Variants in ATP2A2 observed in about 807,000 individuals in gnomAD.
ATP2A2 encodes the protein sarcoplasmic/endoplasmic reticulum calcium ATPase 2.
A neutral mutation model predicts 109.3 loss-of-function variants in ATP2A2; 14 were observed. That is an observed-to-expected ratio of 0.13 (90% CI 0.08 to 0.20). The LOEUF is 0.20. Among genes scored for constraint, ATP2A2 ranks in the 10% least tolerant of loss-of-function variants. ATP2A2 has a pLI of 1.00. For synonymous variants in ATP2A2, 506 were observed against 490.9 expected (o/e 1.03, Z -0.41); for missense variants, 657 against 1,321.6 (o/e 0.50, Z 7.80).
intron 5 of ATP2A2, among the ~76,000 whole-genome samples, chr12:110,307,862 A>G (rs991972399): frequency 3.3e-5 from 5 of 152,124 alleles, no homozygotes; most frequent in African/African-American, 1.2e-4. Context: ...CTAGGTCCCA[A>G]TTGTCAAGTT....
At chr12:110,345,763 C>G (rs1364325352) in intron 18 of ATP2A2, 2 of 603,446 alleles carry the variant, frequency 3.3e-6, no homozygotes. Flanking sequence ...CAATTGGGAA[C>G]AGCTTTGAAC....
chr12:110,342,182 A>C lies in ATP2A2; in HGVS notation c.2098-46A>C, dbSNP rs755791132. ...AGTGGGCTTTTGCCTAGGGGTATGA[A>C]TGTGGCATGCCAGTTGGCTGACCCA... On this transcript the variant is annotated intron_variant, in intron 14 of 19. Transcript: ENST00000539276. The surrounding 1 kb of genome is among the most constrained non-coding windows in gnomAD (Gnocchi z 4.6). 8 of 1,607,096 alleles carry C rather than the reference A, an allele frequency of 5.0e-6. No individual in the cohort carries two copies. Among genetic ancestry groups the C allele is most frequent in the Non-Finnish European group, 6.8e-6 (8 of 1,173,576 alleles).
intron 8 of ATP2A2, chr12:110,329,285 T>C (rs560947361): frequency 3.2e-4 from 49 of 152,382 alleles, no homozygotes; most frequent in African/African-American, 1.1e-3. Flanking sequence ...ACATGTTCAG[T>C]ACAGATGCAG....
chr12:110,328,526 A>G (rs181077193), intron 8 of ATP2A2, among the ~76,000 whole-genome samples: 26 of 152,302 alleles, frequency 1.7e-4, no homozygotes, highest in Non-Finnish European at 1.5e-5. Flanking sequence ...CCAAGATCAC[A>G]CCACTGCTCT....
chr12:110,291,700 A>G (rs896152735), intron 3 of ATP2A2, among the ~76,000 whole-genome samples: 17 of 132,750 alleles, frequency 1.3e-4, no homozygotes, highest in Non-Finnish European at 2.6e-4. Flanking sequence ...GTGCAATGGC[A>G]TGCAGTACAC....
chr12:110,333,171 C>G lies in ATP2A2; in HGVS notation c.1185-10C>G. The G allele has an allele frequency of 1.9e-6, 3 of 1,610,764 alleles. No individual in the cohort carries two copies. The highest frequency in any genetic ancestry group is 2.5e-6 in the Non-Finnish European group (3 of 1,177,162). Reference sequence around the variant, plus strand: ...ATACCCTGCTCTAAGAGTGTTTTCTCTTTGGGCAGGCATAAAGATGATAAA... The same window carrying G: ...ATACCCTGCTCTAAGAGTGTTTTCTGTTTGGGCAGGCATAAAGATGATAAA... On this transcript the variant is annotated splice_polypyrimidine_tract_variant and intron_variant, in intron 9 of 19. Coordinates refer to ENST00000539276, the MANE Select transcript of ATP2A2 (RefSeq NM_170665.4).
chr12:110,300,092 G>GTCCT (rs202000078), intron 5 of ATP2A2, among the ~76,000 whole-genome samples: 2,350 of 143,388 alleles, frequency 0.016, 79 homozygotes, highest in African/African-American at 0.058. Flanking sequence ...CCGTCCGTCT[G>GTCCT]TCCTTCCTTC....
intron 3 of ATP2A2, among the ~76,000 whole-genome samples, chr12:110,283,323 A>G (rs984852910): frequency 4.6e-5 from 7 of 152,152 alleles, no homozygotes; most frequent in East Asian, 1.9e-4. Context: ...AGGGTGGTAT[A>G]TTTATCTAAA....
Position 110,332,271 on chromosome 12 carries a change from C to T in ATP2A2, c.1096-326C>T, listed in dbSNP as rs536891845. On this transcript the variant is annotated intron_variant, in intron 8 of 19. Transcript: ENST00000539276. Reference sequence around the variant, plus strand: ...TCTCTGGAACTGACCTTTTGCTGACCGGGAGTCCTCATAACTTGGATTTTG... The same window carrying T: ...TCTCTGGAACTGACCTTTTGCTGACTGGGAGTCCTCATAACTTGGATTTTG... 8.9e-4 allele frequency: 327 copies of T among 366,284 alleles called. 2 individuals carry two copies. Among genetic ancestry groups the T allele is most frequent in the South Asian group, 3.4e-3 (140 of 40,958 alleles). The allele number at this position is 366,284 out of a possible 1,614,324, so 22.7% of individuals were successfully genotyped here. A position where few individuals can be genotyped will look rare whatever the true frequency, so the allele number is the denominator to read the frequency against.
intron 5 of ATP2A2, among the ~76,000 whole-genome samples, chr12:110,314,879 T>C (rs1011156384): frequency 1.3e-5 from 2 of 151,870 alleles, no homozygotes; most frequent in Non-Finnish European, 2.9e-5. Flanking sequence ...TTTTTTTTTT[T>C]TTTTGGAAAT....
intron 15 of ATP2A2, 88 bp from the exon 16 acceptor site, chr12:110,343,144 C>G (rs1879514127): frequency 7.5e-7 from 1 of 1,338,852 alleles, no homozygotes; most frequent in South Asian, 1.2e-5. Context: ...ATTTATTTTT[C>G]TGGAGGAGGG....
intron 1 of ATP2A2, 47 bp from the exon 2 acceptor site, chr12:110,282,557 T>C: frequency 6.2e-7 from 1 of 1,604,902 alleles, no homozygotes; most frequent in Non-Finnish European, 8.5e-7. Context: ...TTTTTTTTTT[T>C]AACCTCCCTC....
intron 1 of ATP2A2, among the ~76,000 whole-genome samples, chr12:110,282,344 G>A (rs1872211445): frequency 6.6e-6 from 1 of 152,186 alleles, no homozygotes; most frequent in Admixed American, 6.5e-5. Context: ...CCTAGGTTCA[G>A]GAGCCCGAAG....
intron 8 of ATP2A2, among the ~76,000 whole-genome samples, chr12:110,328,325 C>G (rs1878004840): frequency 6.6e-6 from 1 of 150,740 alleles, no homozygotes; most frequent in Non-Finnish European, 1.5e-5. Flanking sequence ...AATCCCAGCA[C>G]TTTGAGAGGC....
chr12:110,288,944 C>T (rs542215847), intron 3 of ATP2A2, among the ~76,000 whole-genome samples: 2 of 152,212 alleles, frequency 1.3e-5, no homozygotes, highest in African/African-American at 2.4e-5. Flanking sequence ...GTTGTCAATC[C>T]TCTTTCTCCT....
chr12:110,281,974 G>C (rs1872143720), intron 1 of ATP2A2, 67 bp downstream of exon 1: 1 of 1,318,148 alleles, frequency 7.6e-7, no homozygotes, highest in Non-Finnish European at 1.0e-6. Flanking sequence ...ATGGCTGACC[G>C]GGCTCCACCT....
chr12:110,292,645 A>G lies in ATP2A2; in HGVS notation c.324+521A>G, dbSNP rs1592796733. 2.0e-5 allele frequency among the ~76,000 whole-genome samples: 3 copies of G among 152,260 alleles called. No individual in the cohort carries two copies. In the South Asian group the frequency reaches 6.2e-4, roughly 32 times the overall value. ...AGTTAAGATTGCTCATTCTTCGCCA[A>G]GTGTGGTGGCACCAGCCTGTAGTCT... On this transcript the variant is annotated intron_variant, in intron 4 of 19. Transcript: ENST00000539276.
At chr12:110,337,558 C>T (rs536217601) in intron 11 of ATP2A2, among the ~76,000 whole-genome samples, 2 of 152,374 alleles carry the variant, frequency 1.3e-5, no homozygotes, top group East Asian at 3.9e-4. Flanking sequence ...GGCAGGCCAG[C>T]AGGATCGCTG....
In ATP2A2 at chr12:110,346,477, G is replaced by A. The variant is rs776004661; in HGVS notation, c.*7G>A. The A allele has an allele frequency of 5.0e-6, 8 of 1,614,144 alleles. No homozygotes were observed. The African/African-American group carries it at 8.0e-5, about 16-fold the overall frequency. On this transcript the variant is annotated 3_prime_UTR_variant, in exon 20 of 20. Coordinates refer to ENST00000539276, the MANE Select transcript of ATP2A2 (RefSeq NM_170665.4). ...CGATATGTTCTGGTCTTGACTGACA[G>A]TTTTCCATAAAGAAGATGTTTAACT...
Sources: gnomAD v4.1 joint callset for allele counts (sites outside exome capture counted in the v4.1 genomes callset) on GRCh38, gnomAD v4.1.1 for gene constraint, Gnocchi (gnomAD v3.1) non-coding constraint, MANE v1.5 for transcripts, NCBI Gene and HGNC (gene_info 2026-07-23, HGNC 2026-07-21) for gene names.